GART: variants seen among roughly 807,000 people sequenced by gnomAD.
GART encodes the protein phosphoribosylglycinamide formyltransferase, phosphoribosylglycinamide synthetase, phosphoribosylaminoimidazole synthetase.
GART carries 43 observed loss-of-function variants against 107.2 expected under a neutral mutation model. The observed-to-expected ratio is 0.40, with a 90% CI of 0.31 to 0.52. The LOEUF is 0.52. GART is among the 20% of genes least tolerant of loss of function. GART has a pLI of 0.52. For missense variants in GART, 1,107 were observed against 1,206.5 expected (o/e 0.92, Z 1.22); for synonymous variants, 434 against 427.0 (o/e 1.02, Z -0.20).
At chr21:33,520,679 T>C (rs1020024918) in intron 13 of GART, 117 bp from the exon 14 acceptor site, 2 of 910,650 alleles carry the variant, frequency 2.2e-6, no homozygotes, top group African/African-American at 3.3e-5. Context: ...TCTGACAAGC[T>C]ACTTGGTCTA....
chr21:33,528,219 G>C lies in GART; in HGVS notation c.1014C>G (p.Val338=). The part of the protein sequence containing the change: ...WLENHTALTV[V]MASKGYPGDY... ...CTCCAGGATAACCTTTACTTGCCAT[G>C]ACAACAGTTAGGGCGGTGTGGTTTT... Residue 338 remains valine (V), a synonymous_variant, in exon 10 of 22, where the codon GTC becomes GTG. Transcript: ENST00000381815. The C allele has an allele frequency of 6.2e-7, 1 of 1,613,692 alleles. No individual in the cohort carries two copies. The highest frequency in any genetic ancestry group is 1.7e-5 in the Admixed American group (1 of 59,976).
intron 3 of GART, 46 bp from the exon 4 acceptor site, chr21:33,534,799 G>C: frequency 6.7e-7 from 1 of 1,493,232 alleles, no homozygotes; most frequent in Non-Finnish European, 8.9e-7. Flanking sequence ...GTCTCCCCAG[G>C]GGCTTTTCAG....
Position 33,509,717 on chromosome 21 carries a change from CAA to C in GART, c.2452+64_2452+65del, listed in dbSNP as rs1182733171. 21 of 1,535,312 alleles carry C rather than the reference CAA, an allele frequency of 1.4e-5. No individual in the cohort carries two copies. In the Admixed American group the frequency reaches 3.7e-4, roughly 27 times the overall value. On this transcript the variant is annotated intron_variant, in intron 18 of 21. Coordinates refer to ENST00000381815, the MANE Select transcript of GART (RefSeq NM_000819.5). ...TGCCGAGAGTAACCTTACAATCTCA[CAA>C]GAGTGCGGGGAGGAAAGGAAGGGCA...
rs569908849 is a variant in GART at position 33,520,169 on chromosome 21, G to A, written c.1702+195C>T. ...CGGGTCTAGAGGACAAACCCCTGAG[G>A]AGGGCTTTGAAGGTAGCAGGCTCTA... On this transcript the variant is annotated intron_variant, in intron 14 of 21. Coordinates refer to ENST00000381815, the MANE Select transcript of GART (RefSeq NM_000819.5). 7.2e-5 allele frequency among the ~76,000 whole-genome samples: 11 copies of A among 152,298 alleles called. No individual in the cohort carries two copies. The East Asian group carries it at 2.1e-3, about 29-fold the overall frequency.
At chr21:33,536,809 T>C (rs985162378) in intron 2 of GART, among the ~76,000 whole-genome samples, 1 of 152,228 alleles carries the variant, frequency 6.6e-6, no homozygotes, top group African/African-American at 2.4e-5. Context: ...ACGTCTCAGG[T>C]TGGACGGCAC....
chr21:33,525,439 CTTCTT>C (rs2085055120), intron 10 of GART, among the ~76,000 whole-genome samples: 1 of 152,078 alleles, frequency 6.6e-6, no homozygotes, highest in South Asian at 2.1e-4. Flanking sequence ...TCAGACAGGT[CTTCTT>C]TTATTTTTTG....
At chr21:33,535,204 A>T (rs2085280356) in intron 3 of GART, 21 bp downstream of exon 3, 1 of 1,486,778 alleles carries the variant, frequency 6.7e-7, no homozygotes. Context: ...TACTGTAACA[A>T]TAAACAGAAA....
intron 16 of GART, among the ~76,000 whole-genome samples, chr21:33,514,223 G>A (rs113698392): frequency 3.9e-5 from 6 of 152,138 alleles, no homozygotes; most frequent in African/African-American, 1.4e-4. Flanking sequence ...AGCTGTGATC[G>A]CACCACGGAA....
At chr21:33,515,768 A>G (rs1365620895) in intron 16 of GART, among the ~76,000 whole-genome samples, 1 of 151,598 alleles carries the variant, frequency 6.6e-6, no homozygotes, top group African/African-American at 2.4e-5. Context: ...CCCTTTTACC[A>G]GTATGTTTCT....
intron 19 of GART, 28 bp from the exon 20 acceptor site, chr21:33,505,730 C>G (rs998430449): frequency 3.2e-6 from 5 of 1,554,428 alleles, no homozygotes; most frequent in Non-Finnish European, 4.3e-6. Flanking sequence ...AAGCACAACC[C>G]TTTTCAATGA....
chr21:33,518,760 CT>C, intron 14 of GART: 1 of 466,524 alleles, frequency 2.1e-6, no homozygotes. Context: ...GCAAGCAGTG[CT>C]TTTCCATCCA....
Position 33,530,701 on chromosome 21 carries a change from A to C in GART, c.723+58T>G, listed in dbSNP as rs2085168791. On this transcript the variant is annotated intron_variant, in intron 7 of 21. Transcript: ENST00000381815. The stretch of plus-strand genomic sequence containing the variant: ...AAAACAAAATAGAAAGTATCATCTA[A>C]GAGTTCTCTGAGAAAACCAAACTAC... 4 of 1,337,766 alleles carry C rather than the reference A, an allele frequency of 3.0e-6. No individual in the cohort carries two copies. In the East Asian group the frequency reaches 1.1e-4, roughly 37 times the overall value. 82.9% of individuals were successfully genotyped at this position (1,337,766 alleles called of 1,614,324 possible).
At chr21:33,512,395 A>C (rs1050739102) in intron 16 of GART, among the ~76,000 whole-genome samples, 1 of 151,888 alleles carries the variant, frequency 6.6e-6, no homozygotes, top group Non-Finnish European at 1.5e-5. Flanking sequence ...CACACACACA[A>C]CATTTCTGAA....
intron 18 of GART, among the ~76,000 whole-genome samples, chr21:33,507,051 T>C (rs1316393360): frequency 6.6e-6 from 1 of 152,174 alleles, no homozygotes; most frequent in Non-Finnish European, 1.5e-5. Context: ...AGCAATCCCA[T>C]TGCTAGGTAT....
intron 12 of GART, among the ~76,000 whole-genome samples, chr21:33,521,297 G>C (rs2084968644): frequency 1.3e-5 from 2 of 152,098 alleles, no homozygotes; most frequent in Admixed American, 1.3e-4. Flanking sequence ...TGCCCTTCCT[G>C]AGTATGAGAG....
chr21:33,537,803 C>T (rs2085332058), intron 2 of GART, among the ~76,000 whole-genome samples: 1 of 152,138 alleles, frequency 6.6e-6, no homozygotes, highest in Admixed American at 6.5e-5. Flanking sequence ...AGGCAGAAGA[C>T]AGACTGCACA....
At chr21:33,524,356 C>T (rs1489177662) in intron 11 of GART, 1 of 804,278 alleles carries the variant, frequency 1.2e-6, no homozygotes, top group African/African-American at 1.9e-5. Flanking sequence ...TCAGACTGGC[C>T]TTGGCAACAT....
At chr21:33,522,875 C>G (rs1409502271) in intron 11 of GART, among the ~76,000 whole-genome samples, 1 of 152,094 alleles carries the variant, frequency 6.6e-6, no homozygotes, top group Non-Finnish European at 1.5e-5. Context: ...TTGGTATGAA[C>G]AAGAGAGGAA....
At chr21:33,538,515 G>A (rs1450279807) in intron 2 of GART, among the ~76,000 whole-genome samples, 1 of 151,800 alleles carries the variant, frequency 6.6e-6, no homozygotes, top group Non-Finnish European at 1.5e-5. Context: ...TTGTAAGCGT[G>A]AGCCACTGCA....
Sources: allele counts gnomAD v4.1 joint callset (sites outside exome capture counted in the v4.1 genomes callset), GRCh38; gene constraint gnomAD v4.1.1; transcripts MANE v1.5; gene names NCBI Gene and HGNC (gene_info 2026-07-23, HGNC 2026-07-21).